COG5: variants seen among roughly 807,000 people sequenced by gnomAD.
COG5 encodes the protein component of oligomeric golgi complex 5, also known as conserved oligomeric Golgi complex subunit 5.
COG5 carries 86 observed loss-of-function variants against 110.4 expected under a neutral mutation model. The ratio of observed to expected loss-of-function variants is 0.78; its 90% CI spans 0.65 to 0.93. The LOEUF is 0.93. COG5 is among the 40% of genes least tolerant of loss of function. COG5 has a pLI of 0.00. For synonymous variants in COG5, 360 were observed against 334.6 expected (o/e 1.08, Z -0.83); for missense variants, 1,077 against 987.0 (o/e 1.09, Z -1.22).
intron 10 of COG5, among the ~76,000 whole-genome samples, chr7:107,350,418 T>C (rs1812032138): frequency 6.6e-6 from 1 of 152,206 alleles, no homozygotes; most frequent in Non-Finnish European, 1.5e-5. Context: ...ACCTAGTAAT[T>C]TTTAAGTCAC....
rs1017449237 is a variant in COG5, at chr7:107,211,341, C to CCCT, written c.2169-119_2169-117dup. On this transcript the variant is annotated intron_variant, in intron 19 of 21. Coordinates refer to ENST00000297135, the MANE Select transcript of COG5 (RefSeq NM_006348.5). ...TTTCCTAGATTGGCTACTGAAGGAGCCCTCCACTGCTTAACCACTCTATTC... is the reference window on the plus strand; with the variant it reads ...TTTCCTAGATTGGCTACTGAAGGAGCCCTCCTCCACTGCTTAACCACTCTATTC... 1.3e-4 allele frequency: 149 copies of CCCT among 1,159,032 alleles called. No individual in the cohort carries two copies. The African/African-American group carries it at 2.0e-3, about 15-fold the overall frequency. The allele number at this position is 1,159,032 out of a possible 1,614,324, so 71.8% of individuals were successfully genotyped here.
At chr7:107,378,984 T>C (rs565881228) in intron 7 of COG5, among the ~76,000 whole-genome samples, 5 of 152,028 alleles carry the variant, frequency 3.3e-5, no homozygotes, top group African/African-American at 4.8e-5. Context: ...TTCACCAAAG[T>C]TGAAATGAAG....
At chr7:107,426,864 T>G in intron 6 of COG5, among the ~76,000 whole-genome samples, 1 of 152,198 alleles carries the variant, frequency 6.6e-6, no homozygotes, top group East Asian at 1.9e-4. Context: ...AATCTTATAA[T>G]AAATCCTTTC....
chr7:107,328,536 G>C (rs1406979137), intron 10 of COG5, among the ~76,000 whole-genome samples: 1 of 152,146 alleles, frequency 6.6e-6, no homozygotes, highest in Non-Finnish European at 1.5e-5. Flanking sequence ...GATAAATGCT[G>C]CAAGATTCTA....
At chr7:107,329,866 G>C (rs970143966) in intron 10 of COG5, among the ~76,000 whole-genome samples, 7 of 152,164 alleles carry the variant, frequency 4.6e-5, no homozygotes, top group Non-Finnish European at 7.3e-5. Flanking sequence ...CTGCAATCCA[G>C]CCTGGATGAC....
Position 107,262,082 on chromosome 7 carries a change from G to C in COG5, c.1576-3699C>G, listed in dbSNP as rs187454870. ...ATTTTTGTATTTTTAGTAGAGATGGGGTTTTGTCATGTTAGCTAGGCTGGT... is the reference window on the plus strand; with the variant it reads ...ATTTTTGTATTTTTAGTAGAGATGGCGTTTTGTCATGTTAGCTAGGCTGGT... On this transcript the variant is annotated intron_variant, in intron 14 of 21. Coordinates refer to ENST00000297135, the MANE Select transcript of COG5 (RefSeq NM_006348.5). Among the ~76,000 whole-genome samples, 130 of 151,796 alleles carry C rather than the reference G, an allele frequency of 8.6e-4. 1 individual carries two copies. Among genetic ancestry groups the C allele is most frequent in the Middle Eastern group, 3.4e-3 (1 of 292 alleles).
chr7:107,278,445 G>A (rs372052658), intron 14 of COG5, among the ~76,000 whole-genome samples: 10 of 151,916 alleles, frequency 6.6e-5, no homozygotes, highest in East Asian at 5.8e-4. Context: ...AACAGGCCCC[G>A]GTGTGTGATG....
intron 1 of COG5, among the ~76,000 whole-genome samples, chr7:107,558,333 C>A (rs1161778962): frequency 1.3e-5 from 2 of 152,238 alleles, no homozygotes; most frequent in East Asian, 1.9e-4. Context: ...CACACTGGCT[C>A]ATGCCTGTAA....
At chr7:107,257,002 T>G (rs1802940044) in intron 15 of COG5, among the ~76,000 whole-genome samples, 1 of 152,272 alleles carries the variant, frequency 6.6e-6, no homozygotes, top group Non-Finnish European at 1.5e-5. Flanking sequence ...AAACACATAC[T>G]TCAAATAACA....
chr7:107,300,297 T>C (rs1479586953), intron 11 of COG5, among the ~76,000 whole-genome samples: 1 of 152,122 alleles, frequency 6.6e-6, no homozygotes, highest in African/African-American at 2.4e-5. Flanking sequence ...TTTTCCCCAC[T>C]TCTAATATCC....
chr7:107,447,926 T>C (rs1795105879), intron 6 of COG5, among the ~76,000 whole-genome samples: 1 of 152,070 alleles, frequency 6.6e-6, no homozygotes, highest in African/African-American at 2.4e-5. Flanking sequence ...GAGGCTGAGG[T>C]GGGTGGATCA....
At chr7:107,329,259 A>C (rs1810033020) in intron 10 of COG5, among the ~76,000 whole-genome samples, 1 of 152,206 alleles carries the variant, frequency 6.6e-6, no homozygotes, top group Non-Finnish European at 1.5e-5. Context: ...AAAGAGATGT[A>C]CTAAGAAGGA....
At chr7:107,208,392 A>G (rs771130115) in intron 21 of COG5, 17 of 985,374 alleles carry the variant, frequency 1.7e-5, no homozygotes, top group Non-Finnish European at 2.0e-5. Context: ...TGATGTACAC[A>G]CAGCAGGACA....
In COG5 at chr7:107,382,942, A is replaced by C. The variant is rs1430676405; in HGVS notation, c.670-10182T>G. Among the ~76,000 whole-genome samples the C allele has an allele frequency of 5.3e-5, 8 of 152,338 alleles. No individual in the cohort carries two copies. In the East Asian group the frequency reaches 1.3e-3, roughly 26 times the overall value. On this transcript the variant is annotated intron_variant, in intron 7 of 21. Transcript: ENST00000297135. ...AAACAGCAGTCTCCAGCTGCAACTCAGAAAGAACAAGAGGGATGGGTAATG... is the reference window on the plus strand; with the variant it reads ...AAACAGCAGTCTCCAGCTGCAACTCCGAAAGAACAAGAGGGATGGGTAATG...
intron 20 of COG5, 71 bp from the exon 21 acceptor site, chr7:107,210,676 GA>G: frequency 6.8e-7 from 1 of 1,476,916 alleles, no homozygotes; most frequent in South Asian, 1.2e-5. Flanking sequence ...GTGCTGGTTC[GA>G]AAAGCACTCT....
chr7:107,474,601 T>C lies in COG5; in HGVS notation c.538+52636A>G, dbSNP rs1342420657. The C allele has an allele frequency of 1.2e-6, 2 of 1,610,492 alleles. No individual in the cohort carries two copies. Among genetic ancestry groups the C allele is most frequent in the Non-Finnish European group, 1.7e-6 (2 of 1,178,500 alleles). ...CCTGATTCCTTTTATTGAGGTAAATTTTTTCAGTCTTCAAAGTGGAAATAC... is the reference window on the plus strand; with the variant it reads ...CCTGATTCCTTTTATTGAGGTAAATCTTTTCAGTCTTCAAAGTGGAAATAC... On this transcript the variant is annotated intron_variant, in intron 6 of 21. Coordinates refer to ENST00000297135, the MANE Select transcript of COG5 (RefSeq NM_006348.5). The surrounding 1 kb of genome is among the most constrained non-coding windows in gnomAD (Gnocchi z 5.7).
In COG5 at chr7:107,496,476, T is replaced by A. The variant is rs143742279; in HGVS notation, c.538+30761A>T. The stretch of plus-strand genomic sequence containing the variant: ...CAGTTGGAGACCAGCCCAGCCAACA[T>A]GGAGAAACCCCCATCTCTACTAAAA... On this transcript the variant is annotated intron_variant, in intron 6 of 21. Coordinates refer to ENST00000297135, the MANE Select transcript of COG5 (RefSeq NM_006348.5). Among the ~76,000 whole-genome samples the A allele has an allele frequency of 2.6e-5, 4 of 152,012 alleles. No individual in the cohort carries two copies. The East Asian group carries it at 7.8e-4, about 29-fold the overall frequency.
intron 7 of COG5, among the ~76,000 whole-genome samples, chr7:107,388,601 TAA>T (rs1790373832): frequency 6.6e-6 from 1 of 152,204 alleles, no homozygotes; most frequent in African/African-American, 2.4e-5. Flanking sequence ...TATTTACCCT[TAA>T]GTTTTTAAAT....
intron 6 of COG5, among the ~76,000 whole-genome samples, chr7:107,418,833 G>A (rs1793068403): frequency 6.6e-6 from 1 of 151,696 alleles, no homozygotes; most frequent in Non-Finnish European, 1.5e-5. Context: ...GGAGTACAGT[G>A]GCACAATCAC....
Sources: gnomAD v4.1 joint callset for allele counts (sites outside exome capture counted in the v4.1 genomes callset) on GRCh38, gnomAD v4.1.1 for gene constraint, Gnocchi (gnomAD v3.1) non-coding constraint, MANE v1.5 for transcripts, NCBI Gene and HGNC (gene_info 2026-07-23, HGNC 2026-07-21) for gene names.